The following PALLD variants were observed in gnomAD, a reference collection of about 807,000 sequenced individuals.
PALLD encodes the protein palladin.
PALLD carries 61 observed loss-of-function variants against 123.5 expected under a neutral mutation model. The ratio of observed to expected loss-of-function variants is 0.49; its 90% CI spans 0.40 to 0.61. PALLD has a LOEUF of 0.61. Among genes scored for constraint, PALLD ranks in the 20% least tolerant of loss-of-function variants. PALLD has a pLI of 0.00. For synonymous variants in PALLD, 465 were observed against 496.4 expected (o/e 0.94, Z 0.84); for missense variants, 1,273 against 1,377.0 (o/e 0.92, Z 1.20).
intron 17 of PALLD, among the ~76,000 whole-genome samples, chr4:168,920,437 CTTCAAA>C (rs1761222215): frequency 6.6e-6 from 1 of 152,106 alleles, no homozygotes; most frequent in East Asian, 1.9e-4. Flanking sequence ...AAAGCTAGTT[CTTCAAA>C]AGAACTGTTT....
intron 14 of PALLD, among the ~76,000 whole-genome samples, chr4:168,902,719 A>C (rs1259600169): frequency 6.6e-6 from 1 of 152,198 alleles, no homozygotes; most frequent in Non-Finnish European, 1.5e-5. Context: ...GAGGGAAGGA[A>C]GGAGGACCCT....
intron 15 of PALLD, among the ~76,000 whole-genome samples, chr4:168,906,002 T>C (rs1198440360): frequency 6.6e-6 from 1 of 151,954 alleles, no homozygotes; most frequent in African/African-American, 2.4e-5. Context: ...GGCCTCTTTT[T>C]TCCTTATTAT....
At chr4:168,517,951 C>A (rs1010378629) in intron 2 of PALLD, among the ~76,000 whole-genome samples, 1 of 152,126 alleles carries the variant, frequency 6.6e-6, no homozygotes, top group Non-Finnish European at 1.5e-5. Flanking sequence ...ATACACTAAG[C>A]CTTTATAGAT....
At chr4:168,815,738 C>T (rs1741804466) in intron 10 of PALLD, among the ~76,000 whole-genome samples, 1 of 151,912 alleles carries the variant, frequency 6.6e-6, no homozygotes, top group South Asian at 2.1e-4. Flanking sequence ...ACACGGTGGA[C>T]GAGGGAAGGT....
In PALLD at chr4:168,903,753, A is replaced by G. The variant is rs765144938; in HGVS notation, c.2473-4A>G. 14 of 1,608,674 alleles carry G rather than the reference A, an allele frequency of 8.7e-6. No individual in the cohort carries two copies. In the Admixed American group the frequency reaches 1.8e-4, roughly 21 times the overall value. On this transcript the variant is annotated splice_polypyrimidine_tract_variant and splice_region_variant and intron_variant, in intron 14 of 21. Coordinates refer to ENST00000505667, the MANE Select transcript of PALLD (RefSeq NM_001166108.2). ...TAATCTTTAATCTTTGTTTCTATTC[A>G]CAGATCTATTGGTTTAAAGATGGGA...
At chr4:168,854,580 G>T in intron 10 of PALLD, among the ~76,000 whole-genome samples, 1 of 152,180 alleles carries the variant, frequency 6.6e-6, no homozygotes, top group East Asian at 1.9e-4. Flanking sequence ...AAGAGCAAGG[G>T]TTCCAGGTGC....
intron 1 of PALLD, among the ~76,000 whole-genome samples, chr4:168,503,334 C>G (rs760851287): frequency 1.4e-4 from 21 of 152,266 alleles, no homozygotes; most frequent in Non-Finnish European, 2.6e-4. Flanking sequence ...AGAAAGTTTT[C>G]AAGGATGAAC....
At chr4:168,842,797 AT>A (rs1017438420) in intron 10 of PALLD, among the ~76,000 whole-genome samples, 29 of 152,348 alleles carry the variant, frequency 1.9e-4, no homozygotes, top group Admixed American at 4.6e-4. Context: ...TGGTAAAAAC[AT>A]TTAAGTAGAT....
chr4:168,903,045 G>T (rs919848938), intron 14 of PALLD, among the ~76,000 whole-genome samples: 6 of 152,162 alleles, frequency 3.9e-5, no homozygotes, highest in African/African-American at 2.4e-5. Flanking sequence ...AGGTAGGCAT[G>T]AGCCACTGTA....
intron 2 of PALLD, among the ~76,000 whole-genome samples, chr4:168,555,831 A>G (rs11727109): frequency 0.025 from 3,857 of 152,278 alleles, 164 homozygotes; most frequent in African/African-American, 0.087. Context: ...AAATTATTCA[A>G]AAGCTTACCT....
At chr4:168,601,151 G>A (rs1211117104) in intron 2 of PALLD, among the ~76,000 whole-genome samples, 3 of 151,740 alleles carry the variant, frequency 2.0e-5, no homozygotes, top group African/African-American at 7.3e-5. Context: ...AAAATTCCTA[G>A]CTTTTTAAGA....
intron 10 of PALLD, chr4:168,828,868 C>T (rs1743796223): frequency 6.6e-6 from 1 of 152,280 alleles, no homozygotes; most frequent in Non-Finnish European, 1.5e-5. Context: ...CCTTGAGTGT[C>T]ACTCCTGACG....
At chr4:168,513,882 A>T (rs1381222230) in intron 2 of PALLD, among the ~76,000 whole-genome samples, 2 of 152,164 alleles carry the variant, frequency 1.3e-5, no homozygotes, top group Non-Finnish European at 2.9e-5. Context: ...AGGTGGGTAG[A>T]TCACCTAAGG....
At chr4:168,718,130 A>G (rs1178091988) in intron 10 of PALLD, among the ~76,000 whole-genome samples, 3 of 152,170 alleles carry the variant, frequency 2.0e-5, no homozygotes, top group Non-Finnish European at 4.4e-5. Flanking sequence ...TTCAACTCCA[A>G]CGTGTGGCTT....
chr4:168,926,509 C>T lies in PALLD; in HGVS notation c.*329C>T. On this transcript the variant is annotated 3_prime_UTR_variant, in exon 22 of 22. Coordinates refer to ENST00000505667, the MANE Select transcript of PALLD (RefSeq NM_001166108.2). ...CTATAAGAAATTAAAAAAAAAACAC[C>T]AAAATAATATTTTTCTTACTTGATA... 1 of 657,494 alleles carries T rather than the reference C, an allele frequency of 1.5e-6. No individual in the cohort carries two copies. Among genetic ancestry groups the T allele is most frequent in the Middle Eastern group, 3.1e-4 (1 of 3,248 alleles). 40.7% of individuals were successfully genotyped at this position (657,494 alleles called of 1,614,324 possible).
intron 2 of PALLD, among the ~76,000 whole-genome samples, chr4:168,607,444 T>C (rs532918484): frequency 6.6e-6 from 1 of 152,316 alleles, no homozygotes; most frequent in South Asian, 2.1e-4. Flanking sequence ...TGGCACTCGG[T>C]GTGAGCTTTT....
intron 2 of PALLD, among the ~76,000 whole-genome samples, chr4:168,657,729 G>A (rs903617884): frequency 2.0e-5 from 3 of 152,180 alleles, no homozygotes; most frequent in Non-Finnish European, 4.4e-5. Context: ...GTTCAAAATG[G>A]CAGCTCCACC....
At chr4:168,841,065 G>A (rs1463813453) in intron 10 of PALLD, among the ~76,000 whole-genome samples, 1 of 152,084 alleles carries the variant, frequency 6.6e-6, no homozygotes. Context: ...TGGTCAGGCT[G>A]GTCTCAAACT....
At chr4:168,506,272 A>G (rs974098283) in intron 1 of PALLD, 2 of 152,186 alleles carry the variant, frequency 1.3e-5, no homozygotes, top group African/African-American at 2.4e-5. Flanking sequence ...CAGCTATTTC[A>G]AATCATCTTC....
Sources: gnomAD v4.1 joint callset for allele counts (sites outside exome capture counted in the v4.1 genomes callset) on GRCh38, gnomAD v4.1.1 for gene constraint, MANE v1.5 for transcripts, NCBI Gene and HGNC (gene_info 2026-07-23, HGNC 2026-07-21) for gene names.